Variants in SPATC1 observed in about 807,000 individuals in gnomAD.
SPATC1 encodes the protein speriolin.
A neutral mutation model predicts 36.5 loss-of-function variants in SPATC1; 35 were observed. The observed-to-expected ratio is 0.96, with a 90% confidence interval of 0.73 to 1.27. The LOEUF (loss-of-function observed/expected upper bound fraction) is 1.27. Among genes scored for constraint, SPATC1 ranks in the 50% most tolerant of loss-of-function variants. SPATC1 has a pLI of 0.00. For synonymous variants in SPATC1, 361 were observed against 353.6 expected (o/e 1.02, Z -0.24); for missense variants, 779 against 796.0 (o/e 0.98, Z 0.26).
At position 144,040,713 on chromosome 8, in the gene SPATC1, G is replaced by A. The variant is rs782610725; in HGVS notation, c.912G>A (p.Ser304=). 30 of 1,613,038 alleles carry A rather than the reference G, an allele frequency of 1.9e-5. No individual in the cohort carries two copies. In the African/African-American group the frequency reaches 2.1e-4, roughly 12 times the overall value. The change falls in exon 3 of 5, where the codon TCG becomes TCA. Residue 304 remains serine, a synonymous_variant. Transcript: ENST00000377470. ...APKTAFSFNT[S]DTQAQPSAAQ... is the part of the protein sequence containing the mutation. Reference sequence around the variant, plus strand: ...AGACGGCCTTCTCCTTCAACACTTCGGACACACAGGCCCAGCCCAGTGCCG... The same window carrying A: ...AGACGGCCTTCTCCTTCAACACTTCAGACACACAGGCCCAGCCCAGTGCCG...
At chr8:144,029,809 C>G (rs1435654493) in intron 1 of SPATC1, among the ~76,000 whole-genome samples, 1 of 152,054 alleles carries the variant, frequency 6.6e-6, no homozygotes, top group African/African-American at 2.4e-5. Flanking sequence ...TTGTATATGT[C>G]CATTAGAGCT....
intron 1 of SPATC1, 40 bp from the exon 2 acceptor site, chr8:144,039,869 G>A (rs782136472): frequency 3.0e-5 from 47 of 1,583,354 alleles, no homozygotes; most frequent in Non-Finnish European, 4.0e-5. Context: ...TGGTCTGGAG[G>A]GGCTCCCCTG....
chr8:144,042,739 G>A (rs561016959), intron 4 of SPATC1, among the ~76,000 whole-genome samples: 37 of 152,302 alleles, frequency 2.4e-4, no homozygotes, highest in South Asian at 8.3e-4. Flanking sequence ...ACTGCTAGGC[G>A]AGTGGCCCTG....
At chr8:144,026,987 C>CTTTTTTTTTTTTTTTTTTTTTT (rs1169014232) in intron 1 of SPATC1, among the ~76,000 whole-genome samples, 1 of 114,304 alleles carries the variant, frequency 8.7e-6, no homozygotes, top group Non-Finnish European at 1.7e-5. Context: ...TTTTTTTTTT[C>CTTTTTTTTTTTTTTTTTTTTTT]TTTTTTTTTT....
chr8:144,031,711 T>TC (rs1834799787), intron 1 of SPATC1, among the ~76,000 whole-genome samples: 1 of 150,554 alleles, frequency 6.6e-6, no homozygotes, highest in African/African-American at 2.4e-5. Context: ...TTTTCTTTTT[T>TC]TTTCTTTCTT....
intron 1 of SPATC1, among the ~76,000 whole-genome samples, chr8:144,013,150 G>A (rs560982213): frequency 6.6e-6 from 1 of 152,190 alleles, no homozygotes; most frequent in Admixed American, 6.5e-5. Context: ...GGTCACAAGT[G>A]CCTTCCTAGG....
At chr8:144,038,090 T>C (rs2133139886) in intron 1 of SPATC1, among the ~76,000 whole-genome samples, 1 of 147,636 alleles carries the variant, frequency 6.8e-6, no homozygotes, top group East Asian at 2.0e-4. Context: ...ATCGCACCAC[T>C]GCACTCCAGC....
intron 1 of SPATC1, among the ~76,000 whole-genome samples, chr8:144,015,706 ACTCCAGCCTGGGCGAC>A (rs1205985912): frequency 7.7e-5 from 11 of 142,694 alleles, no homozygotes; most frequent in African/African-American, 2.8e-4. Context: ...CATGCCCTGC[ACTCCAGCCTGGGCGAC>A]TGAGTGAGAC....
At chr8:144,026,987 CTTTTTT>C (rs1169014232) in intron 1 of SPATC1, among the ~76,000 whole-genome samples, 2 of 114,304 alleles carry the variant, frequency 1.7e-5, no homozygotes, top group South Asian at 2.9e-4. Flanking sequence ...TTTTTTTTTT[CTTTTTT>C]TTTTTTTTTT....
intron 1 of SPATC1, among the ~76,000 whole-genome samples, chr8:144,015,812 G>A (rs1243812189): frequency 6.6e-6 from 1 of 151,036 alleles, no homozygotes; most frequent in Non-Finnish European, 1.5e-5. Flanking sequence ...TGTAATCCCA[G>A]CACTTTGGGA....
chr8:144,012,679 G>C lies in SPATC1; in HGVS notation c.164G>C (p.Ser55Thr), dbSNP rs782698641. 9.0e-6 allele frequency: 14 copies of C among 1,551,712 alleles called. No homozygotes were observed. Among genetic ancestry groups the C allele is most frequent in the East Asian group, 4.9e-5 (2 of 40,912 alleles). ...AGGLGISGFTSGLGEATAGLS... is the reference protein window; with the variant it reads ...AGGLGISGFTTGLGEATAGLS... ...GGGCTCGGCATCAGCGGGTTCACGAGTGGGCTTGGTGAGGCAACAGCAGGC... is the reference window on the plus strand; with the variant it reads ...GGGCTCGGCATCAGCGGGTTCACGACTGGGCTTGGTGAGGCAACAGCAGGC... The change falls in exon 1 of 5, where the codon AGT becomes ACT. Residue 55 changes from serine (S) to threonine (T), a missense_variant. Transcript: ENST00000377470.
In SPATC1 at chr8:144,040,771, A is replaced by ACCCCC. The variant is rs1564278964; in HGVS notation, c.972_973insCCCCC (p.Ser325ProfsTer93). The ACCCCC allele has an allele frequency of 2.9e-6, 4 of 1,393,724 alleles. No individual in the cohort carries two copies. Among genetic ancestry groups the ACCCCC allele is most frequent in the South Asian group, 2.5e-5 (2 of 81,198 alleles). The allele number at this position is 1,393,724 out of a possible 1,614,324, so 86.3% of individuals were successfully genotyped here. A position where few individuals can be genotyped will look rare whatever the true frequency, so the allele number is the denominator to read the frequency against. Reference sequence around the variant, plus strand: ...ACAAGTGGTCCCTGCATCTGTCCCCACCTCCCCCACCACCTCCCCCACGGT... The same window carrying ACCCCC: ...ACAAGTGGTCCCTGCATCTGTCCCCACCCCCCCTCCCCCACCACCTCCCCCACGGT... On this transcript the variant is annotated frameshift_variant, in exon 3 of 5. Coordinates refer to ENST00000377470, the MANE Select transcript of SPATC1 (RefSeq NM_198572.3). LOFTEE classifies it high-confidence loss of function.
chr8:144,042,284 A>AACATATATATAT (rs1475095587), intron 4 of SPATC1, among the ~76,000 whole-genome samples: 7 of 36,302 alleles, frequency 1.9e-4, no homozygotes, highest in African/African-American at 1.1e-3. Flanking sequence ...ACGCCCAGCT[A>AACATATATATAT]ATATATATAT....
Position 144,012,501 on chromosome 8 carries a change from C to A in SPATC1, c.-15C>A. 6.4e-7 allele frequency: 1 copy of A among 1,550,616 alleles called. No individual in the cohort carries two copies. The highest frequency in any genetic ancestry group is 8.7e-7 in the Non-Finnish European group (1 of 1,145,988). ...TGCCCTCCCGTGGGCCGCACCCTTG[C>A]CACTGCCCCAGGGCATGTCTCTACT... On this transcript the variant is annotated 5_prime_UTR_variant, in exon 1 of 5. Transcript: ENST00000377470.
chr8:144,015,439 A>G (rs1036160283), intron 1 of SPATC1, among the ~76,000 whole-genome samples: 34 of 150,752 alleles, frequency 2.3e-4, no homozygotes, highest in Admixed American at 3.9e-4. Flanking sequence ...ATTTAAAAAA[A>G]AAAGAAAGAA....
At position 144,040,595 on chromosome 8, in the gene SPATC1, C is replaced by T. The variant is rs782470003; in HGVS notation, c.794C>T (p.Ser265Leu). 9 of 1,600,236 alleles carry T rather than the reference C, an allele frequency of 5.6e-6. No individual in the cohort carries two copies. Among genetic ancestry groups the T allele is most frequent in the Admixed American group, 5.2e-5 (3 of 57,986 alleles). ...KVPLSTEPPQ[S>L]TQDPEPLSMA... is the part of the protein sequence containing the mutation. ...CCACTCTCCACTGAGCCCCCCCAGT[C>T]GACCCAGGACCCAGAGCCTCTCAGC... The change falls in exon 3 of 5, where the codon TCG (serine) becomes TTG (leucine). Residue 265 changes from serine (S) to leucine (L), a missense_variant. Ser to Leu is a moderately radical substitution (Grantham distance 145). Coordinates refer to ENST00000377470, the MANE Select transcript of SPATC1 (RefSeq NM_198572.3).
intron 1 of SPATC1, among the ~76,000 whole-genome samples, chr8:144,023,256 G>C (rs1834587219): frequency 2.9e-3 from 2 of 682 alleles, no homozygotes; most frequent in Non-Finnish European, 2.7e-3. Context: ...CCTCTTCCCT[G>C]AGAACTTCTC....
chr8:144,011,757 G>A (rs1554752516), upstream of SPATC1, among the ~76,000 whole-genome samples: 1 of 152,114 alleles, frequency 6.6e-6, no homozygotes, highest in African/African-American at 2.4e-5. The surrounding 1 kb of genome is among the most constrained non-coding windows in gnomAD (Gnocchi z 4.5). Flanking sequence ...GTGCGGAGAA[G>A]GCAACGACGG....
chr8:144,027,473 T>C (rs1349999423), intron 1 of SPATC1, among the ~76,000 whole-genome samples: 2 of 152,234 alleles, frequency 1.3e-5, no homozygotes, highest in African/African-American at 4.8e-5. Flanking sequence ...ATCTATTGTT[T>C]CGCTTGTTGT....
Sources: allele counts gnomAD v4.1 joint callset (sites outside exome capture counted in the v4.1 genomes callset), GRCh38; gene constraint gnomAD v4.1.1; non-coding constraint Gnocchi (gnomAD v3.1); transcripts MANE v1.5; gene names NCBI Gene and HGNC (gene_info 2026-07-23, HGNC 2026-07-21).